The following EEF1B2 variants were observed in gnomAD, a reference collection of about 807,000 sequenced individuals.
EEF1B2 encodes elongation factor 1-beta.
A neutral mutation model predicts 28.3 loss-of-function variants in EEF1B2; 12 were observed. That is an observed-to-expected ratio of 0.42 (90% CI 0.27 to 0.69). EEF1B2 has a LOEUF of 0.69. Ranked by LOEUF, EEF1B2 falls within the 30% of genes least tolerant of loss-of-function variation. The pLI is 0.22. For missense variants in EEF1B2, 234 were observed against 272.6 expected, an observed-to-expected ratio of 0.86 and a Z score of 1.00; for synonymous variants, 83 against 99.9, an observed-to-expected ratio of 0.83 and a Z score of 1.01.
rs1687851191 is a variant in EEF1B2 at position 206,159,920 on chromosome 2, C to T, written c.-60C>T. ...CCTTTTTCCTCTCTTCAGCGTGGGG[C>T]GCCCACAATTTGCGCGCTCTCTTTC... On this transcript the variant is annotated 5_prime_UTR_variant, in exon 1 of 6. Transcript: ENST00000392222. 4 of 1,581,908 alleles carry T rather than the reference C, an allele frequency of 2.5e-6. No homozygotes were observed. The highest frequency in any genetic ancestry group is 3.4e-6 in the Non-Finnish European group (4 of 1,163,328).
At chr2:206,160,824 C>T (rs1423981415) in intron 2 of EEF1B2, 114 bp downstream of exon 2, 1 of 1,527,224 alleles carries the variant, frequency 6.5e-7, no homozygotes, top group African/African-American at 1.4e-5. Flanking sequence ...ATATTGTAAG[C>T]TAAATTTTTC....
Position 206,159,974 on chromosome 2 carries a change from G to C in EEF1B2, c.-6G>C, listed in dbSNP as rs775962703. 6 of 1,611,516 alleles carry C rather than the reference G, an allele frequency of 3.7e-6. No homozygotes were observed. Among genetic ancestry groups the C allele is most frequent in the Admixed American group, 3.3e-5 (2 of 59,806 alleles). On this transcript the variant is annotated 5_prime_UTR_variant, in exon 1 of 6. Coordinates refer to ENST00000392222, the MANE Select transcript of EEF1B2 (RefSeq NM_001959.4). ...TGCTCCCCAGCTCTCGGATACAGCC[G>C]ACACCATGGGTTTCGGAGACCTGAA... is the stretch of plus-strand genomic sequence containing the variant.
At chr2:206,161,277 T>A in intron 2 of EEF1B2, 69 bp from the exon 3 acceptor site, 2 of 1,593,280 alleles carry the variant, frequency 1.3e-6, no homozygotes, top group South Asian at 2.3e-5. Context: ...TTAAAACAAG[T>A]TATTTTGTAT....
intron 2 of EEF1B2, chr2:206,161,076 TGA>T: frequency 1.7e-6 from 1 of 572,096 alleles, no homozygotes; most frequent in Non-Finnish European, 3.1e-6. Context: ...AGAATGGAAC[TGA>T]GCATACTTAA....
intron 1 of EEF1B2, 131 bp downstream of exon 1, chr2:206,160,190 A>G: frequency 8.3e-7 from 1 of 1,207,440 alleles, no homozygotes; most frequent in Non-Finnish European, 1.1e-6. Flanking sequence ...AGGGAGGGGA[A>G]AGCGCCCCGT....
chr2:206,161,173 G>T, intron 2 of EEF1B2, 173 bp from the exon 3 acceptor site: 1 of 764,136 alleles, frequency 1.3e-6, no homozygotes, highest in Admixed American at 2.7e-5. Context: ...ACTAATGCTT[G>T]TCGGGTGAGG....
upstream of EEF1B2, chr2:206,159,741 C>T: frequency 2.0e-6 from 1 of 488,456 alleles, no homozygotes; most frequent in Non-Finnish European, 3.7e-6. Context: ...AACGAAAGGT[C>T]CATGGACAAT....
chr2:206,161,233 A>T, intron 2 of EEF1B2, 113 bp from the exon 3 acceptor site: 3 of 1,479,388 alleles, frequency 2.0e-6, no homozygotes, highest in Non-Finnish European at 2.7e-6. Context: ...AGGGTAAATT[A>T]TGATTGCAAA....
At chr2:206,159,858 C>T, upstream of EEF1B2, 1 of 1,128,872 alleles carries the variant, frequency 8.9e-7, no homozygotes, top group Non-Finnish European at 1.3e-6. Flanking sequence ...GGAAACGCCT[C>T]CGTCTCTATA....
chr2:206,160,116 C>A (rs1687864374), intron 1 of EEF1B2, 57 bp downstream of exon 1: 1 of 1,579,696 alleles, frequency 6.3e-7, no homozygotes, highest in Non-Finnish European at 8.6e-7. Context: ...GGGGCCGGGG[C>A]CACGTGGCGC....
chr2:206,160,105 C>T lies in EEF1B2; in HGVS notation c.80+46C>T, dbSNP rs1255428944. The T allele has an allele frequency of 3.1e-6, 5 of 1,588,908 alleles. No homozygotes were observed. The African/African-American group carries it at 5.5e-5, about 17-fold the overall frequency. On this transcript the variant is annotated intron_variant, in intron 1 of 5. Transcript: ENST00000392222. ...GGGGTGGCGGGGAGGTTTCTCCGCC[C>T]GGGGCCGGGGCCACGTGGCGCAGCG...
rs1687965995 is a variant in EEF1B2 at position 206,162,593 on chromosome 2, G to C, written c.502G>C (p.Asp168His). 1 of 1,613,468 alleles carries C rather than the reference G, an allele frequency of 6.2e-7. No individual in the cohort carries two copies. The highest frequency in any genetic ancestry group is 1.3e-5 in the African/African-American group (1 of 74,884). The part of the protein sequence containing the change: ...LEECVRSIQA[D>H]GLVWGSSKLV... Reference sequence around the variant, plus strand: ...GGAGTGCGTCAGAAGCATTCAAGCAGACGGCTTAGTCTGGGGCTCATGTGA... The same window carrying C: ...GGAGTGCGTCAGAAGCATTCAAGCACACGGCTTAGTCTGGGGCTCATGTGA... Residue 168 changes from aspartate (D) to histidine (H), a missense_variant, in exon 5 of 6, where the codon GAC (aspartate) becomes CAC (histidine). By Grantham distance (81) the Asp-to-His change is moderately conservative. Transcript: ENST00000392222.
At chr2:206,159,836 G>C (rs1482001283), upstream of EEF1B2, 1 of 865,292 alleles carries the variant, frequency 1.2e-6, no homozygotes, top group Non-Finnish European at 1.8e-6. Flanking sequence ...CCTTCGGTCC[G>C]GCGCGGTGGA....
chr2:206,159,870 A>T, upstream of EEF1B2: 13 of 1,292,556 alleles, frequency 1.0e-5, no homozygotes, highest in Non-Finnish European at 1.3e-5. Flanking sequence ...GTCTCTATAT[A>T]AGGAATTTTC....
upstream of EEF1B2, chr2:206,159,736 A>T: frequency 2.4e-6 from 1 of 423,156 alleles, no homozygotes; most frequent in Non-Finnish European, 4.3e-6. Context: ...AACGCAACGA[A>T]AGGTCCATGG....
At chr2:206,162,259 T>G (rs369521473) in intron 4 of EEF1B2, 155 bp downstream of exon 4, 2 of 1,064,270 alleles carry the variant, frequency 1.9e-6, no homozygotes, top group East Asian at 4.7e-5. Context: ...GCTGTTCTTA[T>G]GGTAGCAGTT....
At chr2:206,160,828 A>C in intron 2 of EEF1B2, 118 bp downstream of exon 2, 1 of 1,514,404 alleles carries the variant, frequency 6.6e-7, no homozygotes, top group South Asian at 1.1e-5. Context: ...TGTAAGCTAA[A>C]TTTTTCTGTA....
intron 3 of EEF1B2, 91 bp from the exon 4 acceptor site, chr2:206,161,947 G>C: frequency 8.9e-7 from 1 of 1,118,622 alleles, no homozygotes; most frequent in East Asian, 2.4e-5. Context: ...GCTTTTTTCT[G>C]ATTAAGCCAG....
In EEF1B2 at chr2:206,162,053, A is replaced by G. The variant is rs1175821837; in HGVS notation, c.346A>G (p.Lys116Glu). The change falls in exon 4 of 6, where the codon AAG (lysine) becomes GAG (glutamate). Residue 116 changes from lysine (K) to glutamate (E), a missense_variant. Lys to Glu is a moderately conservative substitution (Grantham distance 56). This residue lies in a region of EEF1B2 where 178 missense variants were observed against 173.3 expected (regional missense o/e 1.03). Transcript: ENST00000392222. ...TTCTTTACAGGAAAGTGAAGAAGCA[A>G]AGAGGCTAAGGGAAGAACGTCTTGC... Reference protein sequence around the residue: ...SDDEEESEEAKRLREERLAQY... With the variant: ...SDDEEESEEAERLREERLAQY... 3 of 1,614,026 alleles carry G rather than the reference A, an allele frequency of 1.9e-6. No homozygotes were observed. The highest frequency in any genetic ancestry group is 2.5e-6 in the Non-Finnish European group (3 of 1,180,008).
Sources: gnomAD v4.1 joint callset for allele counts on GRCh38, gnomAD v4.1.1 for gene constraint, gnomAD v4.1.1 regional missense constraint, MANE v1.5 for transcripts, NCBI Gene and HGNC (gene_info 2026-07-23, HGNC 2026-07-21) for gene names.